HAVCR2: variants seen among roughly 807,000 people sequenced by gnomAD.
The protein encoded by HAVCR2 is hepatitis A virus cellular receptor 2, also known as T cell immunoglobulin mucin 3.
In HAVCR2, 13 loss-of-function variants were observed where a neutral mutation model predicts 24.7. The ratio of observed to expected loss-of-function variants is 0.53; its 90% CI spans 0.34 to 0.84. The LOEUF (loss-of-function observed/expected upper bound fraction) is 0.84, where lower values mean the gene tolerates loss of function less well. Ranked by LOEUF, HAVCR2 falls within the 40% of genes least tolerant of loss-of-function variation. HAVCR2 has a pLI of 0.01. For missense variants in HAVCR2, 343 were observed against 371.2 expected (o/e 0.92, Z 0.62); for synonymous variants, 154 against 143.4 (o/e 1.07, Z -0.53).
At position 157,089,446 on chromosome 5, in the gene HAVCR2, GAA is replaced by G. The variant is rs1465345793; in HGVS notation, c.677-471_677-470del. On this transcript the variant is annotated intron_variant, in intron 5 of 6. Coordinates refer to ENST00000307851, the MANE Select transcript of HAVCR2 (RefSeq NM_032782.5). ...AGCTACTCGGGAGGCTGAGGCAGGA[GAA>G]TCACATGAACCCGGGAGACGGAGGT... Among the ~76,000 whole-genome samples the G allele has an allele frequency of 2.0e-4, 31 of 151,294 alleles. 2 individuals carry two copies. The highest frequency in any genetic ancestry group is 2.0e-3 in the Admixed American group (31 of 15,156).
At chr5:157,093,702 A>T (rs6862400) in intron 5 of HAVCR2, among the ~76,000 whole-genome samples, 6,709 of 152,218 alleles carry the variant, frequency 0.044, 379 homozygotes, top group African/African-American at 0.13. Context: ...ATCCCAAAAC[A>T]TTGGGAGGTC....
intron 3 of HAVCR2, among the ~76,000 whole-genome samples, chr5:157,099,446 G>A (rs888053294): frequency 2.0e-5 from 3 of 151,796 alleles, no homozygotes; most frequent in African/African-American, 7.3e-5. Context: ...TAGTAGAGAC[G>A]AGGCCATGTT....
chr5:157,107,546 G>C (rs1413104384), intron 1 of HAVCR2, among the ~76,000 whole-genome samples: 1 of 152,196 alleles, frequency 6.6e-6, no homozygotes, highest in Non-Finnish European at 1.5e-5. Context: ...GTTTAAAGTT[G>C]TGAAAAGAAA....
rs115051887 is a variant in HAVCR2, at chr5:157,089,668, C to T, written c.677-691G>A. Among the ~76,000 whole-genome samples, 701 of 152,200 alleles carry T rather than the reference C, an allele frequency of 4.6e-3. 5 individuals are homozygous for T. Among genetic ancestry groups the T allele is most frequent in the African/African-American group, 0.016 (660 of 41,534 alleles). ...TAGAGAGGGTGGTCAGGGAAGGACC[C>T]TCAGAGATGAACTTTAAGCTCGTTT... is the stretch of plus-strand genomic sequence containing the variant. On this transcript the variant is annotated intron_variant, in intron 5 of 6. Transcript: ENST00000307851.
intron 5 of HAVCR2, among the ~76,000 whole-genome samples, chr5:157,091,006 G>T (rs1469026388): frequency 6.6e-6 from 1 of 152,124 alleles, no homozygotes; most frequent in Non-Finnish European, 1.5e-5. Flanking sequence ...ACCATACCCA[G>T]CCCTAAGGAA....
rs778241292 is a variant in HAVCR2 at position 157,104,731 on chromosome 5, G to C, written c.413C>G (p.Pro138Arg). The change falls in exon 3 of 7, where the codon CCG becomes CGG. Residue 138 changes from proline to arginine, a missense_variant. By Grantham distance (103) the Pro-to-Arg change is moderately radical. Transcript: ENST00000307851. ...TGCAGTGAAGTCTCTCTGCCGAGTCGGTGCAGGGGTGACCTTGGCTAATGT... is the reference window on the plus strand; with the variant it reads ...TGCAGTGAAGTCTCTCTGCCGAGTCCGTGCAGGGGTGACCTTGGCTAATGT... ...VIKPAKVTPAPTRQRDFTAAF... is the reference protein window; with the variant it reads ...VIKPAKVTPARTRQRDFTAAF... 7 of 1,598,004 alleles carry C rather than the reference G, an allele frequency of 4.4e-6. No homozygotes were observed. Among genetic ancestry groups the C allele is most frequent in the Non-Finnish European group, 3.4e-6 (4 of 1,170,882 alleles).
chr5:157,091,291 C>T (rs1470516799), intron 5 of HAVCR2, among the ~76,000 whole-genome samples: 1 of 152,014 alleles, frequency 6.6e-6, no homozygotes, highest in Non-Finnish European at 1.5e-5. Context: ...ACTAAAAATA[C>T]AAAATTAGCC....
intron 1 of HAVCR2, among the ~76,000 whole-genome samples, chr5:157,108,705 A>G (rs1418365907): frequency 6.6e-6 from 1 of 152,142 alleles, no homozygotes; most frequent in Admixed American, 6.5e-5. Flanking sequence ...CTTTAATAAC[A>G]TTATAATTTT....
chr5:157,087,212 T>C lies in HAVCR2; in HGVS notation c.796A>G (p.Thr266Ala). The C allele has an allele frequency of 6.2e-7, 1 of 1,613,962 alleles. No homozygotes were observed. Among genetic ancestry groups the C allele is most frequent in the Non-Finnish European group, 8.5e-7 (1 of 1,179,974 alleles). ...EGIRSEENIYTIEENVYEVEE... is the reference protein window; with the variant it reads ...EGIRSEENIYAIEENVYEVEE... Reference sequence around the variant, plus strand: ...ACTTCATATACGTTCTCTTCAATGGTATAGATGTTTTCTTCTGAGCGAATT... The same window carrying C: ...ACTTCATATACGTTCTCTTCAATGGCATAGATGTTTTCTTCTGAGCGAATT... The change falls in exon 7 of 7, where the codon ACC (threonine) becomes GCC (alanine). Residue 266 changes from threonine (T) to alanine (A), a missense_variant. Transcript: ENST00000307851.
chr5:157,090,520 G>C (rs1038702522), intron 5 of HAVCR2, among the ~76,000 whole-genome samples: 9 of 152,206 alleles, frequency 5.9e-5, no homozygotes, highest in Admixed American at 2.6e-4. Flanking sequence ...CTTGAACTCG[G>C]GAGGTAGAGG....
At chr5:157,106,076 T>G (rs777757833) in intron 2 of HAVCR2, 2 of 153,738 alleles carry the variant, frequency 1.3e-5, no homozygotes, top group South Asian at 4.1e-4. Flanking sequence ...ACCACTGATC[T>G]AGGCCTTTCA....
chr5:157,102,091 C>T (rs969482351), intron 3 of HAVCR2, among the ~76,000 whole-genome samples: 1 of 151,834 alleles, frequency 6.6e-6, no homozygotes, highest in Non-Finnish European at 1.5e-5. Context: ...CATGCACCAC[C>T]ATGACCAGCT....
chr5:157,091,980 T>C (rs1365816449), intron 5 of HAVCR2, among the ~76,000 whole-genome samples: 1 of 152,036 alleles, frequency 6.6e-6, no homozygotes, highest in South Asian at 2.1e-4. Flanking sequence ...AGGGAAAAGA[T>C]TGGAAATGAA....
At chr5:157,088,889 T>C (rs35937860) in intron 6 of HAVCR2, 52 bp downstream of exon 6, 19 of 1,457,794 alleles carry the variant, frequency 1.3e-5, no homozygotes, top group Non-Finnish European at 1.8e-5. Context: ...CATGTTAGAG[T>C]AGGGACTTCC....
rs776439359 is a variant in HAVCR2, at chr5:157,088,929, C to A, written c.713+12G>T. 16 of 1,607,490 alleles carry A rather than the reference C, an allele frequency of 1.0e-5. No homozygotes were observed. In the Middle Eastern group the frequency reaches 6.6e-4, roughly 66 times the overall value. ...TTCTCACCTTTTCCCAACCCCATTC[C>A]ATTATTCTTACCTTAAATTCTGTAT... On this transcript the variant is annotated intron_variant, in intron 6 of 6. Coordinates refer to ENST00000307851, the MANE Select transcript of HAVCR2 (RefSeq NM_032782.5).
intron 5 of HAVCR2, among the ~76,000 whole-genome samples, chr5:157,090,373 T>A (rs1177103985): frequency 2.0e-5 from 3 of 151,938 alleles, no homozygotes; most frequent in Admixed American, 6.6e-5. Context: ...GGCAGGTGGA[T>A]TTCTTGAGCT....
At chr5:157,092,809 A>G (rs1349928014) in intron 5 of HAVCR2, among the ~76,000 whole-genome samples, 1 of 141,684 alleles carries the variant, frequency 7.1e-6, no homozygotes, top group Non-Finnish European at 1.5e-5. Flanking sequence ...AGGCTGAAGT[A>G]GGAGGATCAC....
chr5:157,101,576 T>A (rs1454532986), intron 3 of HAVCR2, among the ~76,000 whole-genome samples: 1 of 152,196 alleles, frequency 6.6e-6, no homozygotes, highest in Non-Finnish European at 1.5e-5. Flanking sequence ...ATGAAGATAC[T>A]GAGTCTGAGA....
chr5:157,104,755 G>A lies in HAVCR2; in HGVS notation c.395-6C>T. Reference sequence around the variant, plus strand: ...CGGTGCAGGGGTGACCTTGGCTAATGTCAGAAACAACATAAGGATGAAAAT... The same window carrying A: ...CGGTGCAGGGGTGACCTTGGCTAATATCAGAAACAACATAAGGATGAAAAT... On this transcript the variant is annotated splice_region_variant and splice_polypyrimidine_tract_variant and intron_variant, in intron 2 of 6. Coordinates refer to ENST00000307851, the MANE Select transcript of HAVCR2 (RefSeq NM_032782.5). 1 of 1,579,506 alleles carries A rather than the reference G, an allele frequency of 6.3e-7. No individual in the cohort carries two copies. The highest frequency in any genetic ancestry group is 1.3e-5 in the African/African-American group (1 of 74,532).
Sources: allele counts gnomAD v4.1 joint callset (sites outside exome capture counted in the v4.1 genomes callset), GRCh38; gene constraint gnomAD v4.1.1; transcripts MANE v1.5; gene names NCBI Gene and HGNC (gene_info 2026-07-23, HGNC 2026-07-21).